Variants in SHTN1 observed in about 807,000 individuals in gnomAD.
SHTN1 encodes the protein shootin-1.
In SHTN1, 42 loss-of-function variants were observed where a neutral mutation model predicts 83.1. The observed-to-expected ratio is 0.51, with a 90% CI of 0.39 to 0.65. The LOEUF (loss-of-function observed/expected upper bound fraction) is 0.65. Among genes scored for constraint, SHTN1 ranks in the 30% least tolerant of loss-of-function variants. SHTN1 has a pLI of 0.00. For synonymous variants in SHTN1, 224 were observed against 247.7 expected (o/e 0.90, Z 0.90); for missense variants, 622 against 737.8 (o/e 0.84, Z 1.82).
At chr10:117,014,120 T>C (rs1401258095) in intron 2 of SHTN1, among the ~76,000 whole-genome samples, 1 of 151,796 alleles carries the variant, frequency 6.6e-6, no homozygotes, top group African/African-American at 2.4e-5. Context: ...AAACAGATCA[T>C]GGCTACCAGG....
chr10:117,071,940 A>G (rs1053446007), intron 1 of SHTN1, among the ~76,000 whole-genome samples: 1 of 152,224 alleles, frequency 6.6e-6, no homozygotes, highest in African/African-American at 2.4e-5. Flanking sequence ...GAAAGACAGT[A>G]ATTTGTTAGC....
upstream of SHTN1, among the ~76,000 whole-genome samples, chr10:117,007,606 C>CT (rs1852042525): frequency 7.1e-6 from 1 of 141,832 alleles, no homozygotes. Context: ...ATGGCATTCA[C>CT]TTGAGGACAT....
intron 1 of SHTN1, among the ~76,000 whole-genome samples, chr10:116,982,797 A>G (rs185832429): frequency 1.4e-4 from 22 of 152,224 alleles, no homozygotes; most frequent in African/African-American, 5.1e-4. Context: ...CATCTCTTCT[A>G]AAAATACAAA....
intron 9 of SHTN1, among the ~76,000 whole-genome samples, chr10:116,938,307 T>C (rs1161744448): frequency 6.6e-6 from 1 of 152,194 alleles, no homozygotes; most frequent in Non-Finnish European, 1.5e-5. Flanking sequence ...TGGATTTATC[T>C]ACCTTTGGTC....
rs146345656 is a variant in SHTN1 at position 116,888,101 on chromosome 10, A to T, written c.1674-1535T>A. On this transcript the variant is annotated intron_variant, in intron 16 of 16. Coordinates refer to ENST00000355371, the MANE Select transcript of SHTN1 (RefSeq NM_001127211.3). Reference sequence around the variant, plus strand: ...GTCATCATCCTAAGTGACAAACACTATGTCTTCCTTGGAGGTGGTAAAAAC... The same window carrying T: ...GTCATCATCCTAAGTGACAAACACTTTGTCTTCCTTGGAGGTGGTAAAAAC... Among the ~76,000 whole-genome samples the T allele has an allele frequency of 3.7e-3, 567 of 152,306 alleles. 4 individuals are homozygous for T. Among genetic ancestry groups the T allele is most frequent in the African/African-American group, 0.013 (537 of 41,578 alleles).
chr10:116,972,979 G>A (rs554978775), intron 2 of SHTN1, among the ~76,000 whole-genome samples: 1 of 152,284 alleles, frequency 6.6e-6, no homozygotes, highest in African/African-American at 2.4e-5. Flanking sequence ...CCTGGCTTCT[G>A]AAACTAAACC....
At chr10:117,048,734 A>C (rs1027801046) in intron 1 of SHTN1, among the ~76,000 whole-genome samples, 31 of 152,226 alleles carry the variant, frequency 2.0e-4, no homozygotes, top group African/African-American at 7.5e-4. Context: ...ACAGTTAATA[A>C]AAAGTAGACA....
intron 16 of SHTN1, 172 bp downstream of exon 16, chr10:116,901,593 T>C: frequency 1.0e-6 from 1 of 985,296 alleles, no homozygotes; most frequent in Non-Finnish European, 1.2e-6. Context: ...CTGAATGAGA[T>C]CTCTTAGCTA....
intron 2 of SHTN1, chr10:116,973,725 C>T: frequency 2.4e-6 from 1 of 409,594 alleles, no homozygotes; most frequent in South Asian, 2.2e-5. Flanking sequence ...TACAGCAGAG[C>T]CTACAACGCC....
At position 116,936,750 on chromosome 10, in the gene SHTN1, T is replaced by C. The variant is rs1207854920; in HGVS notation, c.858+3716A>G. On this transcript the variant is annotated intron_variant, in intron 9 of 16. Coordinates refer to ENST00000355371, the MANE Select transcript of SHTN1 (RefSeq NM_001127211.3). ...CATTTTCTGTCTCGTTGATCTAATATTGACAGTGGGGTGTTAAAGTCTCCC... is the reference window on the plus strand; with the variant it reads ...CATTTTCTGTCTCGTTGATCTAATACTGACAGTGGGGTGTTAAAGTCTCCC... Among the ~76,000 whole-genome samples, 6 of 152,074 alleles carry C rather than the reference T, an allele frequency of 3.9e-5. No homozygotes were observed. The South Asian group carries it at 8.3e-4, about 21-fold the overall frequency.
At chr10:116,916,853 G>A (rs1164752798) in intron 12 of SHTN1, among the ~76,000 whole-genome samples, 1 of 152,168 alleles carries the variant, frequency 6.6e-6, no homozygotes, top group Admixed American at 6.5e-5. Flanking sequence ...ACTTCAAAGA[G>A]AATTGTCAAC....
At chr10:117,083,181 T>C (rs967002729) in intron 1 of SHTN1, among the ~76,000 whole-genome samples, 1 of 145,970 alleles carries the variant, frequency 6.9e-6, no homozygotes, top group Non-Finnish European at 1.5e-5. Flanking sequence ...TACCGGTTGT[T>C]CCTTTCCATG....
chr10:117,060,825 T>G (rs1045383641), intron 1 of SHTN1, among the ~76,000 whole-genome samples: 2 of 152,208 alleles, frequency 1.3e-5, no homozygotes, highest in African/African-American at 4.8e-5. Context: ...TATTTTAAAC[T>G]ACTTATGGTC....
At chr10:116,908,486 A>G (rs925819775) in intron 14 of SHTN1, among the ~76,000 whole-genome samples, 1 of 152,190 alleles carries the variant, frequency 6.6e-6, no homozygotes, top group African/African-American at 2.4e-5. Flanking sequence ...AAAGTACTAC[A>G]ACAACTATTC....
At chr10:116,972,886 G>C (rs1007972915) in intron 2 of SHTN1, among the ~76,000 whole-genome samples, 1 of 152,164 alleles carries the variant, frequency 6.6e-6, no homozygotes, top group Non-Finnish European at 1.5e-5. Context: ...CCGGAGGTTG[G>C]CCTTGCTGGT....
intron 1 of SHTN1, among the ~76,000 whole-genome samples, chr10:117,077,410 G>T (rs575875192): frequency 1.4e-4 from 21 of 152,108 alleles, no homozygotes; most frequent in Non-Finnish European, 1.5e-4. Flanking sequence ...GCCCACAGAA[G>T]AAAGGATAAC....
chr10:116,883,560 A>G lies in SHTN1; in HGVS notation c.*2784T>C, dbSNP rs1589769997. On this transcript the variant is annotated 3_prime_UTR_variant, in exon 17 of 17. Transcript: ENST00000355371. ...CTGAACAGGTAGAGTATGCATTTAG[A>G]AAAATAATCCAGACTTGAAGGCTGT... The G allele has an allele frequency of 2.0e-5, 3 of 152,264 alleles. No individual in the cohort carries two copies. Among genetic ancestry groups the G allele is most frequent in the African/African-American group, 7.2e-5 (3 of 41,446 alleles). 9.4% of individuals were successfully genotyped at this position (152,264 alleles called of 1,614,324 possible).
intron 1 of SHTN1, among the ~76,000 whole-genome samples, chr10:117,099,009 T>TACACACACACACACACACAC (rs371738555): frequency 7.1e-6 from 1 of 141,028 alleles, no homozygotes; most frequent in African/African-American, 2.6e-5. Flanking sequence ...GTGGTATGTA[T>TACACACACACACACACACAC]ACACACACAC....
At chr10:117,035,649 G>T (rs1333581509) in intron 2 of SHTN1, among the ~76,000 whole-genome samples, 1 of 151,946 alleles carries the variant, frequency 6.6e-6, no homozygotes, top group Non-Finnish European at 1.5e-5. Context: ...CTAATAATAT[G>T]ATTTAAAAAT....
Sources: gnomAD v4.1 joint callset for allele counts (sites outside exome capture counted in the v4.1 genomes callset) on GRCh38, gnomAD v4.1.1 for gene constraint, MANE v1.5 for transcripts, NCBI Gene and HGNC (gene_info 2026-07-23, HGNC 2026-07-21) for gene names.